MAPK10: variants seen among roughly 807,000 people sequenced by gnomAD.
MAPK10 encodes mitogen-activated protein kinase 10.
In MAPK10, 25 loss-of-function variants were observed where a neutral mutation model predicts 59.3. The ratio of observed to expected loss-of-function variants is 0.42; its 90% CI spans 0.31 to 0.59. MAPK10 has a LOEUF of 0.59. Among genes scored for constraint, MAPK10 ranks in the 20% least tolerant of loss-of-function variants. MAPK10 has a pLI of 0.15. For synonymous variants in MAPK10, 190 were observed against 200.5 expected (o/e 0.95, Z 0.44); for missense variants, 351 against 568.9 (o/e 0.62, Z 3.90).
At chr4:86,223,015 A>G (rs1348573453) in intron 2 of MAPK10, among the ~76,000 whole-genome samples, 2 of 152,208 alleles carry the variant, frequency 1.3e-5, no homozygotes, top group Non-Finnish European at 2.9e-5. Context: ...CAAGTCAAGA[A>G]TCACTCTATC....
chr4:86,211,300 C>G (rs1195228869), intron 2 of MAPK10, among the ~76,000 whole-genome samples: 2 of 151,724 alleles, frequency 1.3e-5, no homozygotes, highest in Non-Finnish European at 2.9e-5. Context: ...TGTTGAAAGC[C>G]AAAGACAAAG....
chr4:86,079,499 C>T (rs1044990598), intron 9 of MAPK10: 3 of 152,080 alleles, frequency 2.0e-5, no homozygotes, highest in African/African-American at 7.2e-5. Context: ...TAGCACCCAC[C>T]TTCAGTTGTA....
At chr4:86,375,713 TAAAAAAA>T (rs56189009) in intron 1 of MAPK10, among the ~76,000 whole-genome samples, 4 of 33,322 alleles carry the variant, frequency 1.2e-4, no homozygotes, top group Non-Finnish European at 1.5e-4. Flanking sequence ...AGGTCCACTC[TAAAAAAA>T]AAAAAAAAAA....
At chr4:86,311,751 A>C (rs3926499) in intron 2 of MAPK10, among the ~76,000 whole-genome samples, 93,570 of 151,796 alleles carry the variant, frequency 0.62, 29,319 homozygotes, top group South Asian at 0.74. Flanking sequence ...GATCCAGAAC[A>C]CTTGGGACTA....
At chr4:86,311,777 T>G (rs1389384020) in intron 2 of MAPK10, among the ~76,000 whole-genome samples, 1 of 152,102 alleles carries the variant, frequency 6.6e-6, no homozygotes, top group Non-Finnish European at 1.5e-5. Flanking sequence ...GAATTCCACT[T>G]TCAGGCAAAA....
intron 4 of MAPK10, among the ~76,000 whole-genome samples, chr4:86,121,151 G>A (rs935165150): frequency 1.3e-5 from 2 of 152,152 alleles, no homozygotes; most frequent in Non-Finnish European, 2.9e-5. Flanking sequence ...CTATGTCTTA[G>A]TCTATTTGGG....
chr4:86,343,895 C>CAT (rs57484807), intron 2 of MAPK10, among the ~76,000 whole-genome samples: 109,542 of 151,910 alleles, frequency 0.72, 40,276 homozygotes, highest in South Asian at 0.9. Flanking sequence ...AAAAAGATAA[C>CAT]TATTTATGTT....
rs147582606 is a variant in MAPK10 at position 86,226,558 on chromosome 4, A to C, written c.-6-32151T>G. The stretch of plus-strand genomic sequence containing the variant: ...GTACAGTAACCAGCATTAAACCTTG[A>C]ATATATTTTACTTCTAAGGGATTTT... On this transcript the variant is annotated intron_variant, in intron 2 of 13. Transcript: ENST00000641462. Among the ~76,000 whole-genome samples the C allele has an allele frequency of 1.5e-3, 223 of 152,310 alleles. 1 individual carries two copies. Among genetic ancestry groups the C allele is most frequent in the Middle Eastern group, 0.014 (4 of 294 alleles).
intron 1 of MAPK10, chr4:86,358,149 A>T (rs901854513): frequency 2.0e-6 from 2 of 985,168 alleles, no homozygotes; most frequent in Admixed American, 6.1e-5. Flanking sequence ...AAGTGGAGTC[A>T]GAAGCTTGTG....
At chr4:86,356,402 T>C (rs1028243830) in intron 1 of MAPK10, 2 of 304,352 alleles carry the variant, frequency 6.6e-6, no homozygotes, top group Non-Finnish European at 9.6e-6. Flanking sequence ...AGAAATAGTA[T>C]ATGTGTGAGG....
intron 1 of MAPK10, among the ~76,000 whole-genome samples, chr4:86,508,940 T>G (rs1307607841): frequency 6.6e-6 from 1 of 152,214 alleles, no homozygotes; most frequent in East Asian, 1.9e-4. Flanking sequence ...ATGGCCATCA[T>G]GAATATCATT....
chr4:86,592,425 C>T (rs904080225), intron 1 of MAPK10, among the ~76,000 whole-genome samples: 1 of 151,888 alleles, frequency 6.6e-6, no homozygotes, highest in African/African-American at 2.4e-5. Flanking sequence ...TCTACTTTTG[C>T]GGAAATTTAC....
intron 2 of MAPK10, among the ~76,000 whole-genome samples, chr4:86,279,118 A>G (rs768224721): frequency 6.6e-6 from 1 of 152,140 alleles, no homozygotes; most frequent in Non-Finnish European, 1.5e-5. Flanking sequence ...AACTGTTCAT[A>G]TTATCTTTGT....
At chr4:86,141,697 A>C (rs546908279) in intron 4 of MAPK10, among the ~76,000 whole-genome samples, 1 of 152,328 alleles carries the variant, frequency 6.6e-6, no homozygotes, top group Non-Finnish European at 1.5e-5. Context: ...CATTGAGCAA[A>C]TGTATAGGCT....
At chr4:86,197,515 T>C (rs2081610516) in intron 2 of MAPK10, among the ~76,000 whole-genome samples, 1 of 152,098 alleles carries the variant, frequency 6.6e-6, no homozygotes, top group African/African-American at 2.4e-5. Flanking sequence ...ACACAGACAA[T>C]TTGCCAGCCA....
intron 1 of MAPK10, among the ~76,000 whole-genome samples, chr4:86,425,451 G>C (rs981970360): frequency 6.6e-6 from 1 of 151,504 alleles, no homozygotes; most frequent in African/African-American, 2.4e-5. Context: ...AAAACTTTAG[G>C]CTTTAATATT....
chr4:86,357,694 C>T (rs1031211177), intron 1 of MAPK10: 14 of 152,142 alleles, frequency 9.2e-5, no homozygotes, highest in African/African-American at 3.4e-4. Context: ...ATAAACATCC[C>T]CTTCCAGCAT....
At chr4:86,157,106 A>G (rs949708494) in intron 4 of MAPK10, among the ~76,000 whole-genome samples, 2 of 152,048 alleles carry the variant, frequency 1.3e-5, no homozygotes, top group Admixed American at 6.6e-5. Context: ...TCTTTTGAAG[A>G]TATTTTAGTA....
intron 4 of MAPK10, among the ~76,000 whole-genome samples, chr4:86,136,521 G>A (rs1464731527): frequency 6.7e-6 from 1 of 149,818 alleles, no homozygotes; most frequent in African/African-American, 2.5e-5. Flanking sequence ...CCCTAAAAGA[G>A]CTCCTGAAGG....
Sources: allele counts gnomAD v4.1 joint callset (sites outside exome capture counted in the v4.1 genomes callset), GRCh38; gene constraint gnomAD v4.1.1; transcripts MANE v1.5; gene names NCBI Gene and HGNC (gene_info 2026-07-23, HGNC 2026-07-21).